Variants in ZBTB20 observed in about 807,000 individuals in gnomAD.
ZBTB20 encodes zinc finger and BTB domain-containing protein 20.
Under a neutral mutation model 56.9 loss-of-function variants are expected in ZBTB20, and 9 were observed. That is an observed-to-expected ratio of 0.16 (90% CI 0.10 to 0.28). ZBTB20 has a LOEUF of 0.28. ZBTB20 is among the 10% of genes least tolerant of loss of function. The pLI is 1.00. For synonymous variants in ZBTB20, 417 were observed against 420.7 expected (o/e 0.99, Z 0.11); for missense variants, 655 against 1,003.0 (o/e 0.65, Z 4.69).
chr3:114,826,527 G>C (rs1273793355), intron 4 of ZBTB20, among the ~76,000 whole-genome samples: 9 of 151,678 alleles, frequency 5.9e-5, no homozygotes, highest in African/African-American at 2.2e-4. Flanking sequence ...CTAGGAAGTA[G>C]GTACTAATAA....
At chr3:114,382,728 T>G (rs567532635) in intron 8 of ZBTB20, among the ~76,000 whole-genome samples, 48 of 152,242 alleles carry the variant, frequency 3.2e-4, no homozygotes, top group Non-Finnish European at 6.6e-4. Context: ...TGGCTATTTA[T>G]GTGCATATCC....
intron 11 of ZBTB20, among the ~76,000 whole-genome samples, chr3:114,343,866 G>A (rs1398914448): frequency 1.3e-5 from 2 of 152,098 alleles, no homozygotes; most frequent in Non-Finnish European, 2.9e-5. Flanking sequence ...TGACCAACAT[G>A]GTGAAACCAC....
intron 2 of ZBTB20, among the ~76,000 whole-genome samples, chr3:114,989,511 G>A (rs749770334): frequency 2.8e-4 from 43 of 152,252 alleles, no homozygotes; most frequent in Non-Finnish European, 4.9e-4. Flanking sequence ...TAGCCTTGTA[G>A]TATAGTTTGA....
chr3:114,477,263 C>T (rs911797199), intron 7 of ZBTB20, among the ~76,000 whole-genome samples: 29 of 152,098 alleles, frequency 1.9e-4, no homozygotes, highest in African/African-American at 6.5e-4. Flanking sequence ...ATTACCATTA[C>T]GAAGCATTTT....
At chr3:114,829,607 A>C (rs1429767093) in intron 4 of ZBTB20, among the ~76,000 whole-genome samples, 1 of 151,900 alleles carries the variant, frequency 6.6e-6, no homozygotes, top group Non-Finnish European at 1.5e-5. Flanking sequence ...GAGAGAATGA[A>C]ACAAAGTAAT....
At chr3:114,822,919 A>T (rs2073333836) in intron 4 of ZBTB20, among the ~76,000 whole-genome samples, 2 of 152,116 alleles carry the variant, frequency 1.3e-5, no homozygotes, top group African/African-American at 4.8e-5. Context: ...TTATGAATCA[A>T]GATGAGATCC....
At chr3:114,860,420 CTG>C (rs1296778491) in intron 4 of ZBTB20, among the ~76,000 whole-genome samples, 3 of 152,094 alleles carry the variant, frequency 2.0e-5, no homozygotes, top group African/African-American at 7.2e-5. Context: ...ATATCAAACA[CTG>C]TGGCTTAATT....
chr3:114,389,644 C>T (rs1412983223), intron 7 of ZBTB20, among the ~76,000 whole-genome samples: 2 of 151,904 alleles, frequency 1.3e-5, no homozygotes, highest in Non-Finnish European at 2.9e-5. Context: ...AATCCCAGCA[C>T]TTTGGGAGGC....
At chr3:114,371,171 G>T (rs2082960325) in intron 10 of ZBTB20, among the ~76,000 whole-genome samples, 1 of 152,162 alleles carries the variant, frequency 6.6e-6, no homozygotes, top group Non-Finnish European at 1.5e-5. Flanking sequence ...ACCTAGTCCT[G>T]ATGCCTCATT....
intron 4 of ZBTB20, among the ~76,000 whole-genome samples, chr3:114,836,668 G>A (rs111445976): frequency 4.1e-4 from 63 of 152,080 alleles, no homozygotes; most frequent in African/African-American, 1.5e-3. Flanking sequence ...TCAATAAGCC[G>A]CATTAACCCA....
At position 114,350,422 on chromosome 3, in the gene ZBTB20, T is replaced by C; in HGVS notation, c.1656A>G (p.Ala552=). The part of the protein sequence containing the change: ...VSQPGLSTFT[A]QLPAPQPLAS... ...CCAGGGGCTGTGGCGCTGGCAGCTG[T>C]GCAGTAAAGGTCGACAGACCGGGCT... Residue 552 remains alanine (A), a synonymous_variant, in exon 11 of 12, where the codon GCA becomes GCG. Coordinates refer to ENST00000675478, the MANE Select transcript of ZBTB20 (RefSeq NM_001348800.3). 6.2e-7 allele frequency: 1 copy of C among 1,613,822 alleles called. No individual in the cohort carries two copies. The highest frequency in any genetic ancestry group is 8.5e-7 in the Non-Finnish European group (1 of 1,179,938).
chr3:114,346,826 T>C (rs1266520925), intron 11 of ZBTB20, among the ~76,000 whole-genome samples: 2 of 151,830 alleles, frequency 1.3e-5, no homozygotes, highest in African/African-American at 2.4e-5. Context: ...GCTGGAACTA[T>C]AGGCATGCAG....
intron 7 of ZBTB20, among the ~76,000 whole-genome samples, chr3:114,435,832 C>T (rs893736180): frequency 1.3e-5 from 2 of 152,134 alleles, no homozygotes; most frequent in African/African-American, 4.8e-5. Context: ...TCCTACATAA[C>T]AATGTGCCTG....
At position 115,063,443 on chromosome 3, in the gene ZBTB20, T is replaced by G. The variant is rs562227724; in HGVS notation, c.-507+7776A>C. On this transcript the variant is annotated intron_variant, in intron 2 of 11. Transcript: ENST00000675478. ...CATGATGGAGGGCCAAGAGACAGAG[T>G]GGAAGCAAGCTTCTATAAGGGCACT... Among the ~76,000 whole-genome samples, 11 of 152,136 alleles carry G rather than the reference T, an allele frequency of 7.2e-5. No individual in the cohort carries two copies. In the South Asian group the frequency reaches 2.3e-3, roughly 32 times the overall value.
At chr3:114,465,364 A>G (rs2092500556) in intron 7 of ZBTB20, among the ~76,000 whole-genome samples, 2 of 152,198 alleles carry the variant, frequency 1.3e-5, no homozygotes, top group African/African-American at 4.8e-5. Flanking sequence ...TTTGGTCCAG[A>G]ACAAAAGTCT....
In ZBTB20 at chr3:114,362,725, C is replaced by A. The variant is rs541444238; in HGVS notation, c.200-10847G>T. On this transcript the variant is annotated intron_variant, in intron 10 of 11. Coordinates refer to ENST00000675478, the MANE Select transcript of ZBTB20 (RefSeq NM_001348800.3). ...CCCCAGAGAGACAGCTCACTGGGTC[C>A]CCCTGTCAACAGAGGATTCAGTGGA... 2.6e-4 allele frequency among the ~76,000 whole-genome samples: 39 copies of A among 152,236 alleles called. 1 individual carries two copies. The South Asian group carries it at 3.3e-3, about 13-fold the overall frequency.
chr3:114,669,880 G>C (rs947555856), intron 6 of ZBTB20, among the ~76,000 whole-genome samples: 1 of 151,908 alleles, frequency 6.6e-6, no homozygotes. Context: ...TTCTAAATAA[G>C]CCACAATTAT....
At position 114,946,544 on chromosome 3, in the gene ZBTB20, T is replaced by C. The variant is rs1276738206; in HGVS notation, c.-456+27822A>G. Among the ~76,000 whole-genome samples the C allele has an allele frequency of 2.8e-5, 4 of 145,288 alleles. 1 individual carries two copies. Among genetic ancestry groups the C allele is most frequent in the African/African-American group, 1.1e-4 (4 of 35,584 alleles). The stretch of plus-strand genomic sequence containing the variant: ...TGAAAAAATGGAGTATTGTTACAGA[T>C]GCTACAGACATAGTACAAAGATAAT... On this transcript the variant is annotated intron_variant, in intron 3 of 11. Transcript: ENST00000675478.
intron 6 of ZBTB20, among the ~76,000 whole-genome samples, chr3:114,531,892 G>A (rs1247842336): frequency 1.3e-5 from 2 of 152,168 alleles, no homozygotes; most frequent in Admixed American, 1.3e-4. Context: ...CAGGGTTGGG[G>A]AATTCCCTCC....
Sources: gnomAD v4.1 joint callset for allele counts (sites outside exome capture counted in the v4.1 genomes callset) on GRCh38, gnomAD v4.1.1 for gene constraint, MANE v1.5 for transcripts, NCBI Gene and HGNC (gene_info 2026-07-23, HGNC 2026-07-21) for gene names.